FUT9: variants seen among roughly 807,000 people sequenced by gnomAD.
FUT9 encodes fucosyltransferase 9, also known as 4-galactosyl-N-acetylglucosaminide 3-alpha-L-fucosyltransferase 9.
A neutral mutation model predicts 29.7 loss-of-function variants in FUT9; 15 were observed. That is an observed-to-expected ratio of 0.51 (90% CI 0.34 to 0.78). FUT9 has a LOEUF of 0.78. FUT9 is among the 30% of genes least tolerant of loss of function. The pLI is 0.01. For missense variants in FUT9, 319 were observed against 425.4 expected, an observed-to-expected ratio of 0.75 and a Z score of 2.20; for synonymous variants, 169 against 153.7, an observed-to-expected ratio of 1.10 and a Z score of -0.74.
At chr6:96,190,050 G>T (rs186233151) in intron 2 of FUT9, among the ~76,000 whole-genome samples, 3 of 152,238 alleles carry the variant, frequency 2.0e-5, no homozygotes, top group East Asian at 1.9e-4. Context: ...GGTACCGGTT[G>T]TTCCTTTCCA....
chr6:96,166,633 C>A (rs1368264891), intron 2 of FUT9, among the ~76,000 whole-genome samples: 4 of 152,064 alleles, frequency 2.6e-5, no homozygotes, highest in African/African-American at 9.7e-5. Context: ...GACATTTGGA[C>A]AAAATGTGAT....
At chr6:96,061,208 C>T (rs908245047) in intron 1 of FUT9, among the ~76,000 whole-genome samples, 5 of 149,858 alleles carry the variant, frequency 3.3e-5, no homozygotes, top group Non-Finnish European at 7.4e-5. Context: ...GTCATTGAAG[C>T]AGAGTCTATG....
intron 1 of FUT9, among the ~76,000 whole-genome samples, chr6:96,048,999 A>G (rs1160114610): frequency 6.6e-6 from 1 of 152,164 alleles, no homozygotes; most frequent in South Asian, 2.1e-4. Flanking sequence ...TATAATAATA[A>G]AAATGTTTTC....
chr6:96,143,257 C>T (rs1772499327), intron 2 of FUT9, among the ~76,000 whole-genome samples: 1 of 152,176 alleles, frequency 6.6e-6, no homozygotes, highest in Admixed American at 6.5e-5. Flanking sequence ...GAAGATGGCC[C>T]TCACCAGATA....
chr6:96,135,033 C>T (rs900516664), intron 2 of FUT9, among the ~76,000 whole-genome samples: 1 of 151,828 alleles, frequency 6.6e-6, no homozygotes, highest in Non-Finnish European at 1.5e-5. Context: ...GTGCAGGTTG[C>T]TGTATTGCTT....
At position 96,205,082 on chromosome 6, in the gene FUT9, A is replaced by G. The variant is rs1177715465; in HGVS notation, c.*847A>G. On this transcript the variant is annotated 3_prime_UTR_variant, in exon 3 of 3. Transcript: ENST00000302103. ...AAAAATGATACCTATAAATATATTT[A>G]TAAATGGTGTCATTTATGAACAATG... 3 of 166,918 alleles carry G rather than the reference A, an allele frequency of 1.8e-5. No individual in the cohort carries two copies. Among genetic ancestry groups the G allele is most frequent in the Non-Finnish European group, 4.4e-5 (3 of 68,070 alleles). 10.3% of individuals were successfully genotyped at this position (166,918 alleles called of 1,614,324 possible). A position where few individuals can be genotyped will look rare whatever the true frequency, so the allele number is the denominator to read the frequency against.
intron 1 of FUT9, among the ~76,000 whole-genome samples, chr6:96,030,012 A>G (rs1770233247): frequency 6.6e-6 from 1 of 151,572 alleles, no homozygotes; most frequent in African/African-American, 2.4e-5. Flanking sequence ...ATCAAACTGA[A>G]AGGATAAAAA....
intron 2 of FUT9, among the ~76,000 whole-genome samples, chr6:96,153,386 C>G (rs1195161083): frequency 6.6e-6 from 1 of 152,126 alleles, no homozygotes; most frequent in Non-Finnish European, 1.5e-5. Context: ...TTAACTGATG[C>G]CTTGCACTAA....
chr6:96,075,700 T>C lies in FUT9; in HGVS notation c.-97-38339T>C, dbSNP rs545214518. Among the ~76,000 whole-genome samples the C allele has an allele frequency of 2.0e-4, 30 of 152,308 alleles. No homozygotes were observed. The South Asian group carries it at 2.7e-3, about 14-fold the overall frequency. Reference sequence around the variant, plus strand: ...TTTTAAACCTTTAGATGTTTAAAACTGCCTGTCTTATTCAGGCTAGTGCTT... The same window carrying C: ...TTTTAAACCTTTAGATGTTTAAAACCGCCTGTCTTATTCAGGCTAGTGCTT... On this transcript the variant is annotated intron_variant, in intron 1 of 2. Coordinates refer to ENST00000302103, the MANE Select transcript of FUT9 (RefSeq NM_006581.4).
intron 2 of FUT9, among the ~76,000 whole-genome samples, chr6:96,169,363 T>G (rs181572215): frequency 3.3e-5 from 5 of 152,346 alleles, no homozygotes; most frequent in African/African-American, 1.2e-4. Context: ...GAGAGTTCAG[T>G]GAAATCTTGC....
In FUT9 at chr6:96,203,598, T is replaced by C. The variant is rs1773768871; in HGVS notation, c.443T>C (p.Ile148Thr). The change falls in exon 3 of 3, where the codon ATT (isoleucine) becomes ACT (threonine). Residue 148 changes from isoleucine (I) to threonine (T), a missense_variant. Physicochemically the swap from Ile to Thr is moderately conservative, Grantham distance 89. Coordinates refer to ENST00000302103, the MANE Select transcript of FUT9 (RefSeq NM_006581.4). ...ACTCACACTCCCCAAAAGAGTGGCA[T>C]TGAGCACTTGTTTAACCTGACTCTG... ...SPTHTPQKSGIEHLFNLTLTY... is the reference protein window; with the variant it reads ...SPTHTPQKSGTEHLFNLTLTY... 6.2e-7 allele frequency: 1 copy of C among 1,613,888 alleles called. No individual in the cohort carries two copies. Among genetic ancestry groups the C allele is most frequent in the Non-Finnish European group, 8.5e-7 (1 of 1,179,998 alleles).
intron 1 of FUT9, among the ~76,000 whole-genome samples, chr6:96,078,847 C>G (rs1372917713): frequency 6.6e-6 from 1 of 152,080 alleles, no homozygotes; most frequent in Non-Finnish European, 1.5e-5. Context: ...TTTCATTTAC[C>G]GTGATTAATC....
intron 2 of FUT9, among the ~76,000 whole-genome samples, chr6:96,132,285 A>G: frequency 9.5e-6 from 1 of 105,106 alleles, no homozygotes; most frequent in Non-Finnish European, 2.3e-5. Context: ...AACTGACCGA[A>G]AAACAAAGGT....
chr6:96,072,596 T>C lies in FUT9; in HGVS notation c.-97-41443T>C, dbSNP rs191301993. 6.1e-3 allele frequency among the ~76,000 whole-genome samples: 931 copies of C among 152,310 alleles called. 14 individuals are homozygous for C. The highest frequency in any genetic ancestry group is 0.021 in the African/African-American group (888 of 41,580). On this transcript the variant is annotated intron_variant, in intron 1 of 2. Coordinates refer to ENST00000302103, the MANE Select transcript of FUT9 (RefSeq NM_006581.4). The stretch of plus-strand genomic sequence containing the variant: ...TCACTAAGCTTGGCACGTACCTCTA[T>C]GGGGTATGCACATGGTTATTTTTAT...
intron 1 of FUT9, among the ~76,000 whole-genome samples, chr6:96,064,198 T>G (rs1009728800): frequency 6.6e-6 from 1 of 152,290 alleles, no homozygotes; most frequent in Non-Finnish European, 1.5e-5. Flanking sequence ...AAAGAACTCA[T>G]CCTGCACCTA....
chr6:96,208,795 G>A lies in FUT9; in HGVS notation c.*4560G>A, dbSNP rs1344073739. ...TTAGTATTTAAGGAGAGTATAAAGT[G>A]CGAGCACTGTGAAGGGCAGATATCT... is the stretch of plus-strand genomic sequence containing the variant. On this transcript the variant is annotated 3_prime_UTR_variant, in exon 3 of 3. Coordinates refer to ENST00000302103, the MANE Select transcript of FUT9 (RefSeq NM_006581.4). 1.8e-5 allele frequency: 3 copies of A among 166,736 alleles called. No homozygotes were observed. The Admixed American group carries it at 2.0e-4, about 11-fold the overall frequency. The allele number at this position is 166,736 out of a possible 1,614,324, so 10.3% of individuals were successfully genotyped here.
At chr6:96,042,430 A>T (rs1002127720) in intron 1 of FUT9, among the ~76,000 whole-genome samples, 13 of 152,180 alleles carry the variant, frequency 8.5e-5, no homozygotes, top group East Asian at 7.7e-4. Flanking sequence ...ATTTAAAAGA[A>T]TTTAAAATGT....
At chr6:96,201,315 T>C (rs992687879) in intron 2 of FUT9, among the ~76,000 whole-genome samples, 1 of 152,004 alleles carries the variant, frequency 6.6e-6, no homozygotes, top group African/African-American at 2.4e-5. Flanking sequence ...AAATAGTTAC[T>C]TCAATTTTTA....
intron 2 of FUT9, among the ~76,000 whole-genome samples, chr6:96,166,523 G>C (rs1330405933): frequency 3.3e-5 from 5 of 152,030 alleles, no homozygotes; most frequent in African/African-American, 9.7e-5. Flanking sequence ...TTACCATTTT[G>C]CCTTTGATCT....
Sources: gnomAD v4.1 joint callset for allele counts (sites outside exome capture counted in the v4.1 genomes callset) on GRCh38, gnomAD v4.1.1 for gene constraint, MANE v1.5 for transcripts, NCBI Gene and HGNC (gene_info 2026-07-23, HGNC 2026-07-21) for gene names.